ZDHHC2: variants seen among roughly 807,000 people sequenced by gnomAD.
ZDHHC2 encodes the protein palmitoyltransferase ZDHHC2.
ZDHHC2 carries 51 observed loss-of-function variants against 55.6 expected under a neutral mutation model. The ratio of observed to expected loss-of-function variants is 0.92; its 90% CI spans 0.73 to 1.16. ZDHHC2 has a LOEUF of 1.16. Among genes scored for constraint, ZDHHC2 ranks in the 50% most tolerant of loss-of-function variants. The pLI is 0.00. For missense variants in ZDHHC2, 491 were observed against 442.4 expected, an observed-to-expected ratio of 1.11 and a Z score of -0.99; for synonymous variants, 199 against 152.9, an observed-to-expected ratio of 1.30 and a Z score of -2.22.
chr8:17,196,590 A>G (rs1210527050), intron 4 of ZDHHC2, among the ~76,000 whole-genome samples: 2 of 151,928 alleles, frequency 1.3e-5, no homozygotes, highest in East Asian at 3.9e-4. Context: ...TTAAAAAAAA[A>G]AAAACAGGAA....
intron 10 of ZDHHC2, among the ~76,000 whole-genome samples, chr8:17,214,532 T>G (rs1807548975): frequency 6.6e-6 from 1 of 152,202 alleles, no homozygotes; most frequent in Non-Finnish European, 1.5e-5. Context: ...GTATTTAAAT[T>G]GGCACTTATG....
chr8:17,195,693 G>T, intron 4 of ZDHHC2, 69 bp downstream of exon 4: 1 of 1,583,190 alleles, frequency 6.3e-7, no homozygotes, highest in Non-Finnish European at 8.6e-7. Flanking sequence ...GTAAGAAAGT[G>T]TGTTTATGTA....
At chr8:17,184,222 A>G (rs1159160999) in intron 1 of ZDHHC2, among the ~76,000 whole-genome samples, 1 of 152,174 alleles carries the variant, frequency 6.6e-6, no homozygotes, top group Non-Finnish European at 1.5e-5. Flanking sequence ...AGCTTGGAAT[A>G]TTTACAACAG....
chr8:17,162,815 G>C lies in ZDHHC2; in HGVS notation c.130+5962G>C, dbSNP rs564598899. The stretch of plus-strand genomic sequence containing the variant: ...TGGAAAGCAAAACGTCTCACTCCTA[G>C]ACATGTGAGTTGGCTTCCTGGCCAA... On this transcript the variant is annotated intron_variant, in intron 1 of 12. Transcript: ENST00000262096. The C allele has an allele frequency of 1.6e-4, 25 of 152,342 alleles. No individual in the cohort carries two copies. In the East Asian group the frequency reaches 1.7e-3, roughly 11 times the overall value. 9.4% of individuals were successfully genotyped at this position (152,342 alleles called of 1,614,324 possible).
At chr8:17,216,337 G>A (rs965673051) in intron 11 of ZDHHC2, among the ~76,000 whole-genome samples, 4 of 152,154 alleles carry the variant, frequency 2.6e-5, no homozygotes, top group Non-Finnish European at 5.9e-5. Context: ...TATATTATCA[G>A]TCATCTTCTC....
At chr8:17,212,615 C>G (rs754894340) in intron 10 of ZDHHC2, among the ~76,000 whole-genome samples, 1 of 152,160 alleles carries the variant, frequency 6.6e-6, no homozygotes, top group Non-Finnish European at 1.5e-5. Context: ...TGGATTACTT[C>G]AGTAGTTTTC....
intron 3 of ZDHHC2, among the ~76,000 whole-genome samples, chr8:17,193,006 C>T (rs1162474940): frequency 6.6e-6 from 1 of 152,120 alleles, no homozygotes; most frequent in Admixed American, 6.5e-5. Flanking sequence ...ATTTTGGTTA[C>T]TGTGTACGAA....
At chr8:17,212,192 C>T (rs1369313165) in intron 10 of ZDHHC2, among the ~76,000 whole-genome samples, 1 of 151,996 alleles carries the variant, frequency 6.6e-6, no homozygotes, top group African/African-American at 2.4e-5. Flanking sequence ...TCTACTATCT[C>T]CCATGTTGAG....
At position 17,167,306 on chromosome 8, in the gene ZDHHC2, T is replaced by A. The variant is rs1426093173; in HGVS notation, c.130+10453T>A. On this transcript the variant is annotated intron_variant, in intron 1 of 12. Transcript: ENST00000262096. ...GCTGGTAATACTTTTTTTTTTAACTTTTTTTTTTTTTTTTTTTTTGAGACA... is the reference window on the plus strand; with the variant it reads ...GCTGGTAATACTTTTTTTTTTAACTATTTTTTTTTTTTTTTTTTTGAGACA... 3.0e-4 allele frequency among the ~76,000 whole-genome samples: 12 copies of A among 40,314 alleles called. No individual in the cohort carries two copies. The South Asian group carries it at 5.5e-3, about 18-fold the overall frequency. The allele number at this position is 40,314 out of a possible 152,430, so 26.4% of individuals were successfully genotyped here.
chr8:17,185,457 G>A (rs1805660600), intron 2 of ZDHHC2, among the ~76,000 whole-genome samples: 1 of 151,872 alleles, frequency 6.6e-6, no homozygotes, highest in Admixed American at 6.6e-5. Context: ...AGAAGTTCAA[G>A]ACCAGCCTGG....
intron 1 of ZDHHC2, among the ~76,000 whole-genome samples, chr8:17,179,606 T>C (rs1805331170): frequency 1.3e-5 from 2 of 152,138 alleles, no homozygotes; most frequent in Admixed American, 1.3e-4. Context: ...AGACACAGTC[T>C]CAATGTGTTG....
In ZDHHC2 at chr8:17,204,172, C is replaced by G. The variant is rs564368305; in HGVS notation, c.477-1483C>G. Reference sequence around the variant, plus strand: ...CCTTTAAGTTTACAAATTACTAAATCTAATGCTATTCCCTTTACCTTATAT... The same window carrying G: ...CCTTTAAGTTTACAAATTACTAAATGTAATGCTATTCCCTTTACCTTATAT... On this transcript the variant is annotated intron_variant, in intron 6 of 12. Transcript: ENST00000262096. 7.3e-4 allele frequency among the ~76,000 whole-genome samples: 111 copies of G among 152,318 alleles called. 1 individual carries two copies. The highest frequency in any genetic ancestry group is 6.6e-4 in the Non-Finnish European group (45 of 68,024).
In ZDHHC2 at chr8:17,219,608, GA is replaced by G. The variant is rs570323063; in HGVS notation, c.*35-640del. Reference sequence around the variant, plus strand: ...CCCGTCTCTACCAAAAATACAAAAAGAAAAAAAATTAGCTGGGTGTGGTGGC... The same window carrying G: ...CCCGTCTCTACCAAAAATACAAAAAGAAAAAAATTAGCTGGGTGTGGTGGC... On this transcript the variant is annotated intron_variant, in intron 12 of 12. Transcript: ENST00000262096. Among the ~76,000 whole-genome samples, 58 of 151,798 alleles carry G rather than the reference GA, an allele frequency of 3.8e-4. No homozygotes were observed. The East Asian group carries it at 0.01, about 27-fold the overall frequency.
chr8:17,168,017 C>T (rs1313197843), intron 1 of ZDHHC2, among the ~76,000 whole-genome samples: 1 of 152,154 alleles, frequency 6.6e-6, no homozygotes, highest in Non-Finnish European at 1.5e-5. Flanking sequence ...TTTCAATCTT[C>T]TTTTTCCTTG....
rs138425354 is a variant in ZDHHC2, at chr8:17,215,791, G to C, written c.1063+442G>C. 6.4e-3 allele frequency among the ~76,000 whole-genome samples: 978 copies of C among 152,210 alleles called. 2 individuals are homozygous for C. Among genetic ancestry groups the C allele is most frequent in the Non-Finnish European group, 8.2e-3 (557 of 68,020 alleles). On this transcript the variant is annotated intron_variant, in intron 11 of 12. Transcript: ENST00000262096. ...AAAGTTACTGTGTACCATAAGTTCA[G>C]CTGCCTGCGATTTCTTCATATCCCA...
At chr8:17,214,004 T>G (rs908182811) in intron 10 of ZDHHC2, among the ~76,000 whole-genome samples, 1 of 152,206 alleles carries the variant, frequency 6.6e-6, no homozygotes, top group African/African-American at 2.4e-5. Context: ...AGAAAAAGCA[T>G]ACGCATATAT....
rs1554466016 is a variant in ZDHHC2 at position 17,199,509 on chromosome 8, T to TTCGTCTTCGTCTTCGTCTTCG, written c.476+1098_476+1099insGTCTTCGTCTTCGTCTTCGTC. Among the ~76,000 whole-genome samples, 131 of 121,148 alleles carry TTCGTCTTCGTCTTCGTCTTCG rather than the reference T, an allele frequency of 1.1e-3. 4 individuals carry two copies. The highest frequency in any genetic ancestry group is 4.2e-3 in the African/African-American group (115 of 27,286). The allele number at this position is 121,148 out of a possible 152,430, so 79.5% of individuals were successfully genotyped here. On this transcript the variant is annotated intron_variant, in intron 6 of 12. Transcript: ENST00000262096. ...CTTCTTCTTCTTCTTCTTCTTCTTC[T>TTCGTCTTCGTCTTCGTCTTCG]TCTTCGTCTTCGTCTTCGTCTTCTG...
intron 3 of ZDHHC2, 55 bp downstream of exon 3, chr8:17,186,480 G>A: frequency 5.6e-6 from 6 of 1,076,238 alleles, no homozygotes; most frequent in Non-Finnish European, 7.7e-6. Context: ...TAATACTGAT[G>A]TATTATTGAA....
chr8:17,168,053 A>G, intron 1 of ZDHHC2, among the ~76,000 whole-genome samples: 1 of 152,156 alleles, frequency 6.6e-6, no homozygotes, highest in East Asian at 1.9e-4. Flanking sequence ...AGTATACTGA[A>G]TATAATTTAG....
Sources: gnomAD v4.1 joint callset for allele counts (sites outside exome capture counted in the v4.1 genomes callset) on GRCh38, gnomAD v4.1.1 for gene constraint, MANE v1.5 for transcripts, NCBI Gene and HGNC (gene_info 2026-07-23, HGNC 2026-07-21) for gene names.